Variants in GPC2 observed in about 807,000 individuals in gnomAD.
GPC2 encodes glypican 2.
In GPC2, 42 loss-of-function variants were observed where a neutral mutation model predicts 57.3. The ratio of observed to expected loss-of-function variants is 0.73; its 90% CI spans 0.57 to 0.95. The LOEUF (loss-of-function observed/expected upper bound fraction) is 0.95. Among genes scored for constraint, GPC2 ranks in the 40% least tolerant of loss-of-function variants. GPC2 has a pLI of 0.00. For synonymous variants in GPC2, 364 were observed against 343.4 expected, an observed-to-expected ratio of 1.06 and a Z score of -0.66; for missense variants, 745 against 793.6, an observed-to-expected ratio of 0.94 and a Z score of 0.74.
In GPC2 at chr7:100,173,590, T is replaced by TTTTC. The variant is rs143805779; in HGVS notation, c.892+241_892+244dup. 9.2e-3 allele frequency: 2,717 copies of TTTTC among 293,922 alleles called. 63 individuals are homozygous for TTTTC. Among genetic ancestry groups the TTTTC allele is most frequent in the African/African-American group, 0.053 (2,378 of 45,072 alleles). The allele number at this position is 293,922 out of a possible 1,614,324, so 18.2% of individuals were successfully genotyped here. On this transcript the variant is annotated intron_variant, in intron 5 of 9. Transcript: ENST00000292377. ...CTACCATGCCTGGCTGATTTCTTTC[T>TTTTC]TTTCTTTCTTTCTTTCTTTCTTTTT...
Position 100,171,621 on chromosome 7 carries a change from G to A in GPC2, c.1228C>T (p.Leu410=). 6.5e-7 allele frequency: 1 copy of A among 1,534,178 alleles called. No individual in the cohort carries two copies. The change falls in exon 8 of 10, where the codon CTG becomes TTG. Residue 410 remains leucine, a synonymous_variant. Transcript: ENST00000292377. This position sits in a 1 kb window ranked among gnomAD's most constrained non-coding sequence, Gnocchi z 4.8. ...RMRGFWARLS[L]TVCGDSRMAA... ...ATGCGAGAGTCTCCGCACACCGTCA[G>A]GGACAGCCGGGCCCAGAAGCCCCGC...
rs1469992101 is a variant in GPC2, at chr7:100,172,239, G to A, written c.893-22C>T. ...CCATCTTAAGGGAGGGAGAGAAAGA[G>A]AAAGGATGGGATGAGTGGTGATACT... On this transcript the variant is annotated intron_variant, in intron 5 of 9. Transcript: ENST00000292377. 5 of 1,612,620 alleles carry A rather than the reference G, an allele frequency of 3.1e-6. No homozygotes were observed. In the Middle Eastern group the frequency reaches 8.3e-4, roughly 266 times the overall value.
chr7:100,174,041 C>T, intron 4 of GPC2, 44 bp from the exon 5 acceptor site: 2 of 1,461,678 alleles, frequency 1.4e-6, no homozygotes, highest in Non-Finnish European at 9.1e-7. Context: ...AACGCTGTGG[C>T]TGCTCTCAGC....
rs1799303375 is a variant in GPC2 at position 100,176,956 on chromosome 7, AAG to A, written c.166+76_166+77del. 8 of 1,054,970 alleles carry A rather than the reference AAG, an allele frequency of 7.6e-6. No homozygotes were observed. The Admixed American group carries it at 2.3e-4, about 30-fold the overall frequency. 65.4% of individuals were successfully genotyped at this position (1,054,970 alleles called of 1,614,324 possible). On this transcript the variant is annotated intron_variant, in intron 1 of 9. Transcript: ENST00000292377. The stretch of plus-strand genomic sequence containing the variant: ...TAGTATAACGGTCACTCTGAAAAGG[AAG>A]AGAGTTATTGTGAGATGAGGAGGCC...
At position 100,171,764 on chromosome 7, in the gene GPC2, G is replaced by A. The variant is rs750339580; in HGVS notation, c.1170+15C>T. 16 of 1,488,164 alleles carry A rather than the reference G, an allele frequency of 1.1e-5. No individual in the cohort carries two copies. The South Asian group carries it at 2.0e-4, about 18-fold the overall frequency. The allele number at this position is 1,488,164 out of a possible 1,614,324, so 92.2% of individuals were successfully genotyped here. A position where few individuals can be genotyped will look rare whatever the true frequency, so the allele number is the denominator to read the frequency against. On this transcript the variant is annotated intron_variant, in intron 7 of 9. Transcript: ENST00000292377. This position sits in a 1 kb window ranked among gnomAD's most constrained non-coding sequence, Gnocchi z 4.8. ...CCGGGCCCCCCCGCCCCCAACTCTT[G>A]GTCATCCCACGCACCAGCCGGTGCA...
At position 100,171,043 on chromosome 7, in the gene GPC2, G is replaced by A. The variant is rs538093619; in HGVS notation, c.1486+218C>T. Reference sequence around the variant, plus strand: ...GGGCTTCCCACTGTTCTTTAAGAATGTTTTCGTGTCTCCCCTACTGGCCTG... The same window carrying A: ...GGGCTTCCCACTGTTCTTTAAGAATATTTTCGTGTCTCCCCTACTGGCCTG... On this transcript the variant is annotated intron_variant, in intron 9 of 9. Transcript: ENST00000292377. The surrounding 1 kb of genome is among the most constrained non-coding windows in gnomAD (Gnocchi z 4.8). 177 of 457,826 alleles carry A rather than the reference G, an allele frequency of 3.9e-4. 1 individual carries two copies. In the South Asian group the frequency reaches 7.1e-3, roughly 18 times the overall value. The allele number at this position is 457,826 out of a possible 1,614,324, so 28.4% of individuals were successfully genotyped here. A position where few individuals can be genotyped will look rare whatever the true frequency, so the allele number is the denominator to read the frequency against.
At position 100,175,907 on chromosome 7, in the gene GPC2, C is replaced by T. The variant is rs752029843; in HGVS notation, c.326-13G>A. The T allele has an allele frequency of 6.2e-7, 1 of 1,610,886 alleles. No homozygotes were observed. Among genetic ancestry groups the T allele is most frequent in the Non-Finnish European group, 8.5e-7 (1 of 1,177,424 alleles). ...TCCAGAAAAAACTCTGCAGCAAATG[C>T]AGGGAACAGGTGGAAGGCAGGTCAG... On this transcript the variant is annotated splice_polypyrimidine_tract_variant and intron_variant, in intron 2 of 9. Transcript: ENST00000292377.
intron 5 of GPC2, among the ~76,000 whole-genome samples, chr7:100,172,671 ATG>A (rs905651769): frequency 2.8e-4 from 40 of 142,848 alleles, no homozygotes; most frequent in East Asian, 6.0e-4. Context: ...ATATATATAT[ATG>A]TGTGTGTGTG....
chr7:100,172,830 T>C (rs956811887), intron 5 of GPC2, among the ~76,000 whole-genome samples: 1 of 149,712 alleles, frequency 6.7e-6, no homozygotes, highest in African/African-American at 2.5e-5. Context: ...TGTATATATA[T>C]ATATTTTTTT....
At chr7:100,173,014 C>T (rs1350223899) in intron 5 of GPC2, among the ~76,000 whole-genome samples, 1 of 152,010 alleles carries the variant, frequency 6.6e-6, no homozygotes, top group Non-Finnish European at 1.5e-5. Flanking sequence ...GCTGGGACTA[C>T]AGGTGCATGC....
chr7:100,171,855 T>C lies in GPC2; in HGVS notation c.1094A>G (p.Glu365Gly). The C allele has an allele frequency of 6.5e-7, 1 of 1,550,202 alleles. No individual in the cohort carries two copies. Among genetic ancestry groups the C allele is most frequent in the Non-Finnish European group, 8.6e-7 (1 of 1,156,156 alleles). The change falls in exon 7 of 10, where the codon GAG becomes GGG. Residue 365 changes from glutamate to glycine, a missense_variant. Glu to Gly is a moderately conservative substitution (Grantham distance 98, BLOSUM62 -2). Coordinates refer to ENST00000292377, the MANE Select transcript of GPC2 (RefSeq NM_152742.3). The surrounding 1 kb of genome is among the most constrained non-coding windows in gnomAD (Gnocchi z 4.8). ...RNRRAPPPRE[E>G]AGRLWSMVTE... ...CACCATCGACCACAGCCGGCCCGCCTCTTCCCGGGGCGGCGGGGCTCGACG... is the reference window on the plus strand; with the variant it reads ...CACCATCGACCACAGCCGGCCCGCCCCTTCCCGGGGCGGCGGGGCTCGACG...
In GPC2 at chr7:100,170,368, A is replaced by T; in HGVS notation, c.1602T>A (p.Gly534=). 6.2e-7 allele frequency: 1 copy of T among 1,613,158 alleles called. No homozygotes were observed. The highest frequency in any genetic ancestry group is 8.5e-7 in the Non-Finnish European group (1 of 1,179,674). Residue 534 remains glycine, a synonymous_variant, in exon 10 of 10, where the codon GGT becomes GGA. Transcript: ENST00000292377. ...PRPPYPPRRD[G]SGGKGGGGSA... ...TGCCACCTCCTCCTTTGCCCCCAGAACCATCCCTTCTAGGAGGGTATGGAG... is the reference window on the plus strand; with the variant it reads ...TGCCACCTCCTCCTTTGCCCCCAGATCCATCCCTTCTAGGAGGGTATGGAG...
intron 3 of GPC2, 95 bp downstream of exon 3, chr7:100,175,477 G>C: frequency 2.1e-6 from 2 of 962,620 alleles, no homozygotes; most frequent in African/African-American, 1.6e-5. Flanking sequence ...CCAGGTCAGA[G>C]GTGACTGGAG....
At chr7:100,173,752 C>T (rs575829107) in intron 5 of GPC2, 83 bp downstream of exon 5, 12 of 1,152,238 alleles carry the variant, frequency 1.0e-5, no homozygotes, top group Non-Finnish European at 1.3e-5. Flanking sequence ...CTCAAGTGAT[C>T]CTCCTGCCTC....
chr7:100,176,773 G>A (rs766138065), intron 1 of GPC2, among the ~76,000 whole-genome samples: 2 of 152,152 alleles, frequency 1.3e-5, no homozygotes, highest in Non-Finnish European at 2.9e-5. Flanking sequence ...GGAGAACATG[G>A]CTGTGAAGAA....
At chr7:100,172,789 A>ACG (rs1799207180) in intron 5 of GPC2, among the ~76,000 whole-genome samples, 1 of 144,282 alleles carries the variant, frequency 6.9e-6, no homozygotes, top group Admixed American at 7.1e-5. Flanking sequence ...GTGTATATAT[A>ACG]TACGTATATA....
In GPC2 at chr7:100,170,213, AGGGCACCCCT is replaced by A. The variant is rs1168554361; in HGVS notation, c.*7_*16del. 2 of 1,538,102 alleles carry A rather than the reference AGGGCACCCCT, an allele frequency of 1.3e-6. No individual in the cohort carries two copies. Among genetic ancestry groups the A allele is most frequent in the Non-Finnish European group, 1.8e-6 (2 of 1,139,544 alleles). ...AAGGGCCATGAACCCTTCTGATGCT[AGGGCACCCCT>A]CCCCCGTTATCGAGGTCCAAGCAGG... On this transcript the variant is annotated 3_prime_UTR_variant, in exon 10 of 10. Coordinates refer to ENST00000292377, the MANE Select transcript of GPC2 (RefSeq NM_152742.3).
intron 9 of GPC2, among the ~76,000 whole-genome samples, chr7:100,170,807 C>T (rs1799164079): frequency 6.6e-6 from 1 of 151,948 alleles, no homozygotes; most frequent in Admixed American, 6.6e-5. Context: ...CAGAAAGCAG[C>T]CAGGAAGAGG....
Position 100,171,462 on chromosome 7 carries a change from C to G in GPC2, c.1311-26G>C. ...CTGCGAGCAGAGCAGCCCCGAAGCG[C>G]CAGCTAGCGCGCGCGGCCCCGCCCC... On this transcript the variant is annotated intron_variant, in intron 8 of 9. Transcript: ENST00000292377. The surrounding 1 kb of genome is among the most constrained non-coding windows in gnomAD (Gnocchi z 4.8). The G allele has an allele frequency of 1.5e-6, 2 of 1,358,600 alleles. No homozygotes were observed. The highest frequency in any genetic ancestry group is 1.9e-6 in the Non-Finnish European group (2 of 1,060,236). 84.2% of individuals were successfully genotyped at this position (1,358,600 alleles called of 1,614,324 possible).
Sources: gnomAD v4.1 joint callset for allele counts (sites outside exome capture counted in the v4.1 genomes callset) on GRCh38, gnomAD v4.1.1 for gene constraint, Gnocchi (gnomAD v3.1) non-coding constraint, MANE v1.5 for transcripts, NCBI Gene and HGNC (gene_info 2026-07-23, HGNC 2026-07-21) for gene names.